Variants in ZNF12 observed in about 807,000 individuals in gnomAD.
The protein encoded by ZNF12 is gonadotropin inducible transcription repressor 3.
A neutral mutation model predicts 66.6 loss-of-function variants in ZNF12; 34 were observed. The observed-to-expected ratio is 0.51, with a 90% confidence interval of 0.39 to 0.68. ZNF12 has a LOEUF of 0.68. Among genes scored for constraint, ZNF12 ranks in the 30% least tolerant of loss-of-function variants. The probability of loss-of-function intolerance (pLI) is 0.00; values close to 1 mark genes in which losing one functional copy is unlikely to be tolerated. For missense variants in ZNF12, 697 were observed against 826.9 expected (o/e 0.84, Z 1.93); for synonymous variants, 320 against 278.9 (o/e 1.15, Z -1.47).
intron 2 of ZNF12, among the ~76,000 whole-genome samples, chr7:6,700,482 G>T (rs544341150): frequency 6.6e-6 from 1 of 152,038 alleles, no homozygotes; most frequent in Non-Finnish European, 1.5e-5. Flanking sequence ...TCCTGAGAAA[G>T]AATATTTCAT....
At position 6,692,528 on chromosome 7, in the gene ZNF12, G is replaced by T. The variant is rs767364008; in HGVS notation, c.414C>A (p.Ser138Arg). 4 of 1,613,526 alleles carry T rather than the reference G, an allele frequency of 2.5e-6. No individual in the cohort carries two copies. Among genetic ancestry groups the T allele is most frequent in the African/African-American group, 2.7e-5 (2 of 74,892 alleles). ...AACACTTTTCACATGAGTCACAGAGGCTATTTTTATAGGCTATTTTTCTTG... is the reference window on the plus strand; with the variant it reads ...AACACTTTTCACATGAGTCACAGAGTCTATTTTTATAGGCTATTTTTCTTG... ...VPSRKIAYKN[S>R]LCDSCEKCLT... The change falls in exon 5 of 5, where the codon AGC becomes AGA. Residue 138 changes from serine (S) to arginine (R), a missense_variant. This residue lies in a region of ZNF12 where 241 missense variants were observed against 224.0 expected (regional missense o/e 1.08). Coordinates refer to ENST00000405858, the MANE Select transcript of ZNF12 (RefSeq NM_016265.4). The surrounding 1 kb of genome is among the most constrained non-coding windows in gnomAD (Gnocchi z 5.1).
At chr7:6,702,437 C>T (rs545943308) in intron 2 of ZNF12, among the ~76,000 whole-genome samples, 73 of 68,936 alleles carry the variant, frequency 1.1e-3, no homozygotes, top group Admixed American at 2.7e-3. Flanking sequence ...CGCACACACA[C>T]CAGATTCATC....
At chr7:6,694,324 T>C (rs1780121490) in intron 4 of ZNF12, among the ~76,000 whole-genome samples, 1 of 152,160 alleles carries the variant, frequency 6.6e-6, no homozygotes, top group South Asian at 2.1e-4. Flanking sequence ...ATATCAACCG[T>C]AACCCCTATA....
At chr7:6,700,260 G>A (rs952757064) in intron 2 of ZNF12, among the ~76,000 whole-genome samples, 1 of 147,846 alleles carries the variant, frequency 6.8e-6, no homozygotes, top group African/African-American at 2.5e-5. Context: ...ACTCCAGCCT[G>A]GGCAACAGAG....
At chr7:6,703,039 T>TACAC (rs10548883) in intron 2 of ZNF12, among the ~76,000 whole-genome samples, 3,063 of 133,568 alleles carry the variant, frequency 0.023, 48 homozygotes, top group Middle Eastern at 0.052. Flanking sequence ...GCTCCCAAAC[T>TACAC]ACACACACAC....
chr7:6,694,152 G>A (rs1463099128), intron 4 of ZNF12, among the ~76,000 whole-genome samples: 1 of 151,220 alleles, frequency 6.6e-6, no homozygotes, highest in Admixed American at 6.6e-5. Context: ...GGGTGACAGA[G>A]TGAGAATCTG....
chr7:6,700,826 C>G (rs1296118113), intron 2 of ZNF12: 1 of 152,172 alleles, frequency 6.6e-6, no homozygotes, highest in Non-Finnish European at 1.5e-5. Flanking sequence ...CTTACTCAGG[C>G]CCCTAATGCT....
At chr7:6,699,461 T>G (rs1349508483) in intron 2 of ZNF12, among the ~76,000 whole-genome samples, 1 of 151,990 alleles carries the variant, frequency 6.6e-6, no homozygotes, top group East Asian at 1.9e-4. Flanking sequence ...GGACACACGG[T>G]GGGGAAAGAA....
intron 2 of ZNF12, among the ~76,000 whole-genome samples, chr7:6,703,334 G>A (rs1322869830): frequency 6.6e-6 from 1 of 152,168 alleles, no homozygotes; most frequent in Non-Finnish European, 1.5e-5. Context: ...GAAAGTAGCA[G>A]TATAGAAAGA....
chr7:6,691,874 A>G lies in ZNF12; in HGVS notation c.1068T>C (p.Ser356=). The G allele has an allele frequency of 6.2e-7, 1 of 1,614,128 alleles. No individual in the cohort carries two copies. Among genetic ancestry groups the G allele is most frequent in the South Asian group, 1.1e-5 (1 of 91,068 alleles). The change falls in exon 5 of 5, where the codon AGT becomes AGC. Residue 356 remains serine, a synonymous_variant. Transcript: ENST00000405858. The part of the protein sequence containing the change: ...THSGEKPYEC[S]YCGKSFCQKT... ...TCTGGCAAAAGGATTTTCCACAATA[A>G]CTACATTCATAGGGCTTCTCTCCTG...
Position 6,691,517 on chromosome 7 carries a change from G to A in ZNF12, c.1425C>T (p.Tyr475=), listed in dbSNP as rs764313539. 57 of 1,613,702 alleles carry A rather than the reference G, an allele frequency of 3.5e-5. No individual in the cohort carries two copies. Among genetic ancestry groups the A allele is most frequent in the Non-Finnish European group, 4.7e-5 (56 of 1,179,886 alleles). Residue 475 remains tyrosine, a synonymous_variant, in exon 5 of 5, where the codon TAC becomes TAT. Transcript: ENST00000405858. ...YECNECGKTF[Y]LNSALMRHQR... is the part of the protein sequence containing the mutation. ...GATGTCTCATGAGGGCTGAATTCAG[G>A]TAGAAGGTTTTTCCACATTCATTAC... is the stretch of plus-strand genomic sequence containing the variant.
chr7:6,697,279 A>C lies in ZNF12; in HGVS notation c.238+60T>G. ...ACTTCTAAAGGTTCGGGACCATTAA[A>C]AAATCCCTGGGAAAAACACTCCCAA... On this transcript the variant is annotated intron_variant, in intron 4 of 4. Coordinates refer to ENST00000405858, the MANE Select transcript of ZNF12 (RefSeq NM_016265.4). This position sits in a 1 kb window ranked among gnomAD's most constrained non-coding sequence, Gnocchi z 6.1. 1 of 1,375,588 alleles carries C rather than the reference A, an allele frequency of 7.3e-7. No homozygotes were observed. The highest frequency in any genetic ancestry group is 1.0e-6 in the Non-Finnish European group (1 of 989,692). The allele number at this position is 1,375,588 out of a possible 1,614,324, so 85.2% of individuals were successfully genotyped here. A position where few individuals can be genotyped will look rare whatever the true frequency, so the allele number is the denominator to read the frequency against.
chr7:6,703,759 C>A (rs1780297639), intron 2 of ZNF12, among the ~76,000 whole-genome samples: 1 of 152,134 alleles, frequency 6.6e-6, no homozygotes, highest in Admixed American at 6.5e-5. Context: ...GAGTGGACAC[C>A]AACACATGAA....
chr7:6,697,606 A>G lies in ZNF12; in HGVS notation c.142+79T>C. 5.6e-6 allele frequency: 9 copies of G among 1,595,596 alleles called. No individual in the cohort carries two copies. The highest frequency in any genetic ancestry group is 6.0e-6 in the Non-Finnish European group (7 of 1,168,386). On this transcript the variant is annotated intron_variant, in intron 3 of 4. Transcript: ENST00000405858. This position sits in a 1 kb window ranked among gnomAD's most constrained non-coding sequence, Gnocchi z 6.1. ...AAAACAGATTACTCACATTCGTCCC[A>G]TCAAATTTTAAGTTAAAGTCATAAA...
At chr7:6,693,337 G>C (rs1780103247) in intron 4 of ZNF12, among the ~76,000 whole-genome samples, 1 of 152,190 alleles carries the variant, frequency 6.6e-6, no homozygotes, top group African/African-American at 2.4e-5. Context: ...CCTATAACCA[G>C]GGCATTCGCC....
chr7:6,692,118 C>T lies in ZNF12; in HGVS notation c.824G>A (p.Gly275Glu). The change falls in exon 5 of 5, where the codon GGG (glycine) becomes GAG (glutamate). Residue 275 changes from glycine (G) to glutamate (E), a missense_variant. Around this residue, in one of 3 missense-constraint regions of ZNF12, gnomAD observed 401 missense variants for 519.0 expected, o/e 0.77. Coordinates refer to ENST00000405858, the MANE Select transcript of ZNF12 (RefSeq NM_016265.4). The surrounding 1 kb of genome is among the most constrained non-coding windows in gnomAD (Gnocchi z 5.1). Reference protein sequence around the residue: ...EMKPYECSECGKSFCKKSKFI... With the variant: ...EMKPYECSECEKSFCKKSKFI... ...TTTTGACTTTTTACAGAAGGATTTC[C>T]CACATTCACTGCATTCATAGGGCTT... The T allele has an allele frequency of 6.2e-7, 1 of 1,614,060 alleles. No individual in the cohort carries two copies. The highest frequency in any genetic ancestry group is 8.5e-7 in the Non-Finnish European group (1 of 1,179,960).
Position 6,688,600 on chromosome 7 carries a change from A to G in ZNF12, c.*2248T>C, listed in dbSNP as rs1780022800. The G allele has an allele frequency of 6.6e-6, 1 of 152,236 alleles. No homozygotes were observed. 9.4% of individuals were successfully genotyped at this position (152,236 alleles called of 1,614,324 possible). On this transcript the variant is annotated 3_prime_UTR_variant, in exon 5 of 5. Transcript: ENST00000405858. This position sits in a 1 kb window ranked among gnomAD's most constrained non-coding sequence, Gnocchi z 4.3. ...CCAGATGTAATTCCTGTTACGTACC[A>G]TACTCACAATCGTCTTGAAGAATAT...
intron 4 of ZNF12, among the ~76,000 whole-genome samples, chr7:6,693,624 C>T (rs1393934762): frequency 6.6e-6 from 1 of 152,208 alleles, no homozygotes; most frequent in African/African-American, 2.4e-5. Flanking sequence ...AGTCAGTATC[C>T]TTCATCTGCC....
chr7:6,697,403 G>C lies in ZNF12; in HGVS notation c.174C>G (p.Ser58Arg). Residue 58 changes from serine (S) to arginine (R), a missense_variant, in exon 4 of 5, where the codon AGC becomes AGG. This residue lies in a region of ZNF12 where 55 missense variants were observed against 83.9 expected (regional missense o/e 0.66). Transcript: ENST00000405858. The surrounding 1 kb of genome is among the most constrained non-coding windows in gnomAD (Gnocchi z 6.1). ...ATGGCTCTTCTCCTTGCTCCAACTT[G>C]CTGATAACATCCGGTTTGATAATGT... ...GYHIIKPDVI[S>R]KLEQGEEPWI... is the part of the protein sequence containing the mutation. 1 of 1,612,592 alleles carries C rather than the reference G, an allele frequency of 6.2e-7. No homozygotes were observed. Among genetic ancestry groups the C allele is most frequent in the Non-Finnish European group, 8.5e-7 (1 of 1,179,366 alleles).
Sources: gnomAD v4.1 joint callset for allele counts (sites outside exome capture counted in the v4.1 genomes callset) on GRCh38, gnomAD v4.1.1 for gene constraint, gnomAD v4.1.1 regional missense constraint, Gnocchi (gnomAD v3.1) non-coding constraint, MANE v1.5 for transcripts, NCBI Gene and HGNC (gene_info 2026-07-23, HGNC 2026-07-21) for gene names.